Variants in GYS2 observed in about 807,000 individuals in gnomAD.
GYS2 encodes the protein glycogen [starch] synthase, liver.
GYS2 carries 80 observed loss-of-function variants against 85.6 expected under a neutral mutation model. The ratio of observed to expected loss-of-function variants is 0.93; its 90% CI spans 0.78 to 1.13. GYS2 has a LOEUF of 1.13. Ranked by LOEUF, GYS2 falls within the 50% of genes most tolerant of loss-of-function variation. GYS2 has a pLI of 0.00. For synonymous variants in GYS2, 328 were observed against 300.7 expected (o/e 1.09, Z -0.94); for missense variants, 881 against 854.9 (o/e 1.03, Z -0.38).
chr12:21,600,200 C>T (rs989003957), intron 1 of GYS2, among the ~76,000 whole-genome samples: 1 of 152,146 alleles, frequency 6.6e-6, no homozygotes, highest in African/African-American at 2.4e-5. Flanking sequence ...CTCACTGAAG[C>T]CTCACTAGAA....
At chr12:21,554,796 G>C (rs966081575) in intron 11 of GYS2, among the ~76,000 whole-genome samples, 1 of 152,196 alleles carries the variant, frequency 6.6e-6, no homozygotes. Flanking sequence ...GTATGTAAGT[G>C]TTACGTATGT....
chr12:21,536,835 G>A lies in GYS2; in HGVS notation c.*119C>T, dbSNP rs1943915565. On this transcript the variant is annotated 3_prime_UTR_variant, in exon 16 of 16. Transcript: ENST00000261195. ...CTCAATTTCTTCCACTTTTTAGGCA[G>A]AGAATAAACTCCATTGTAATACTTA... The A allele has an allele frequency of 7.3e-5, 53 of 721,196 alleles. 2 individuals carry two copies. The South Asian group carries it at 8.2e-4, about 11-fold the overall frequency. 44.7% of individuals were successfully genotyped at this position (721,196 alleles called of 1,614,324 possible). A position where few individuals can be genotyped will look rare whatever the true frequency, so the allele number is the denominator to read the frequency against.
At chr12:21,560,323 A>G in intron 8 of GYS2, 63 bp downstream of exon 8, 1 of 893,924 alleles carries the variant, frequency 1.1e-6, no homozygotes. Context: ...ATGAGATGTC[A>G]TTCACTTAAA....
At chr12:21,564,778 T>C (rs1288903105) in intron 5 of GYS2, among the ~76,000 whole-genome samples, 1 of 152,198 alleles carries the variant, frequency 6.6e-6, no homozygotes. Flanking sequence ...TTATATTTGA[T>C]ATATAATAAT....
At chr12:21,604,383 T>C in intron 1 of GYS2, 89 bp downstream of exon 1, 1 of 839,260 alleles carries the variant, frequency 1.2e-6, no homozygotes, top group Non-Finnish European at 2.1e-6. Flanking sequence ...CAATTGGTTA[T>C]CACTAGAGAG....
At chr12:21,538,613 A>C (rs190497959) in intron 15 of GYS2, among the ~76,000 whole-genome samples, 1 of 152,202 alleles carries the variant, frequency 6.6e-6, no homozygotes, top group East Asian at 1.9e-4. Context: ...GCTGTCACCT[A>C]GTGTGTAGGC....
chr12:21,583,434 G>C (rs544012724), intron 1 of GYS2, among the ~76,000 whole-genome samples: 8 of 152,194 alleles, frequency 5.3e-5, no homozygotes, highest in African/African-American at 1.9e-4. Flanking sequence ...CATTTATCGA[G>C]TGATCCAAAA....
chr12:21,542,688 G>A (rs1943993391), intron 12 of GYS2, 97 bp from the exon 13 acceptor site: 5 of 761,214 alleles, frequency 6.6e-6, no homozygotes, highest in Non-Finnish European at 7.1e-6. Context: ...CCTAAGAATA[G>A]CAATGTTCAC....
At chr12:21,567,700 T>C (rs1944338189) in intron 5 of GYS2, among the ~76,000 whole-genome samples, 1 of 152,134 alleles carries the variant, frequency 6.6e-6, no homozygotes, top group South Asian at 2.1e-4. Flanking sequence ...GGCTTAAGTA[T>C]AATAACAAGG....
At position 21,604,620 on chromosome 12, in the gene GYS2, T is replaced by C; in HGVS notation, c.-28A>G. 1 of 1,611,542 alleles carries C rather than the reference T, an allele frequency of 6.2e-7. No individual in the cohort carries two copies. Among genetic ancestry groups the C allele is most frequent in the Non-Finnish European group, 8.5e-7 (1 of 1,178,192 alleles). On this transcript the variant is annotated 5_prime_UTR_variant, in exon 1 of 16. Transcript: ENST00000261195. Reference sequence around the variant, plus strand: ...TTCTTACAGTCCTCCGAGACTCCTTTGAATTCCTGTTTCAATTAGTTGTAA... The same window carrying C: ...TTCTTACAGTCCTCCGAGACTCCTTCGAATTCCTGTTTCAATTAGTTGTAA...
intron 11 of GYS2, among the ~76,000 whole-genome samples, 162 bp downstream of exon 11, chr12:21,558,038 C>A (rs1944204446): frequency 2.0e-5 from 3 of 152,126 alleles, no homozygotes; most frequent in Admixed American, 2.0e-4. Context: ...CCAAAATATT[C>A]ATTATACTTT....
intron 1 of GYS2, among the ~76,000 whole-genome samples, chr12:21,582,610 GAT>G (rs1565608537): frequency 3.3e-5 from 5 of 151,416 alleles, no homozygotes; most frequent in East Asian, 1.9e-4. Context: ...TATAGATATA[GAT>G]ATAGATATAG....
intron 12 of GYS2, among the ~76,000 whole-genome samples, 170 bp downstream of exon 12, chr12:21,546,174 T>C (rs112634702): frequency 6.6e-6 from 1 of 152,170 alleles, no homozygotes; most frequent in Non-Finnish European, 1.5e-5. Context: ...TAAGTAATTA[T>C]CTACAAATCA....
At chr12:21,571,345 A>G (rs751763446) in intron 4 of GYS2, among the ~76,000 whole-genome samples, 1 of 152,244 alleles carries the variant, frequency 6.6e-6, no homozygotes, top group African/African-American at 2.4e-5. Context: ...TCTCTGTACA[A>G]TAATTCCAAC....
rs1944787278 is a variant in GYS2 at position 21,604,615 on chromosome 12, T to G, written c.-23A>C. 1 of 1,611,522 alleles carries G rather than the reference T, an allele frequency of 6.2e-7. No homozygotes were observed. The highest frequency in any genetic ancestry group is 8.5e-7 in the Non-Finnish European group (1 of 1,178,296). The stretch of plus-strand genomic sequence containing the variant: ...CATTCTTCTTACAGTCCTCCGAGAC[T>G]CCTTTGAATTCCTGTTTCAATTAGT... On this transcript the variant is annotated 5_prime_UTR_variant, in exon 1 of 16. Coordinates refer to ENST00000261195, the MANE Select transcript of GYS2 (RefSeq NM_021957.4).
Position 21,563,216 on chromosome 12 carries a change from A to C in GYS2, c.941+12T>G, listed in dbSNP as rs1231577317. ...TGATACTTCTTTTTCTTTTTAATAA[A>C]GAAAATCATACCCATAGAAATGACC... On this transcript the variant is annotated intron_variant, in intron 6 of 15. Coordinates refer to ENST00000261195, the MANE Select transcript of GYS2 (RefSeq NM_021957.4). 2.7e-6 allele frequency: 4 copies of C among 1,475,562 alleles called. No homozygotes were observed. Among genetic ancestry groups the C allele is most frequent in the Non-Finnish European group, 3.8e-6 (4 of 1,053,838 alleles). The allele number at this position is 1,475,562 out of a possible 1,614,324, so 91.4% of individuals were successfully genotyped here. A position where few individuals can be genotyped will look rare whatever the true frequency, so the allele number is the denominator to read the frequency against.
intron 11 of GYS2, among the ~76,000 whole-genome samples, chr12:21,549,098 C>G (rs544267219): frequency 2.0e-5 from 3 of 152,040 alleles, no homozygotes; most frequent in African/African-American, 7.2e-5. Context: ...GTGAGTGGCA[C>G]AAAATATTAC....
rs527797522 is a variant in GYS2, at chr12:21,575,941, G to C, written c.420C>G (p.Val140=). 6.2e-7 allele frequency: 1 copy of C among 1,613,654 alleles called. No homozygotes were observed. The highest frequency in any genetic ancestry group is 1.7e-5 in the Admixed American group (1 of 59,976). Residue 140 remains valine, a synonymous_variant, in exon 3 of 16, where the codon GTC becomes GTG. Transcript: ENST00000261195. ...WKGDLWEACS[V]GIPYHDREAN... ...CTTCTCGGTCATGATAAGGAATGCCGACACTGCATGCTTCCCAGAGGTCAC... is the reference window on the plus strand; with the variant it reads ...CTTCTCGGTCATGATAAGGAATGCCCACACTGCATGCTTCCCAGAGGTCAC...
chr12:21,554,727 G>C (rs1944157351), intron 11 of GYS2, among the ~76,000 whole-genome samples: 2 of 152,158 alleles, frequency 1.3e-5, no homozygotes, highest in South Asian at 4.1e-4. Flanking sequence ...CAGAAGAATT[G>C]TTAGAATAAC....
Sources: gnomAD v4.1 joint callset for allele counts (sites outside exome capture counted in the v4.1 genomes callset) on GRCh38, gnomAD v4.1.1 for gene constraint, MANE v1.5 for transcripts, NCBI Gene and HGNC (gene_info 2026-07-23, HGNC 2026-07-21) for gene names.